Variants in ECT2 observed in about 807,000 individuals in gnomAD.
The protein encoded by ECT2 is epithelial cell transforming 2.
ECT2 carries 61 observed loss-of-function variants against 116.9 expected under a neutral mutation model. That is an observed-to-expected ratio of 0.52 (90% CI 0.42 to 0.65). ECT2 has a LOEUF of 0.65. ECT2 is among the 30% of genes least tolerant of loss of function. The pLI, the probability that ECT2 is intolerant of heterozygous loss-of-function variation, is 0.00. For synonymous variants in ECT2, 358 were observed against 346.4 expected (o/e 1.03, Z -0.37); for missense variants, 937 against 1,078.7 (o/e 0.87, Z 1.84).
intron 5 of ECT2, 127 bp from the exon 6 acceptor site, chr3:172,758,853 C>T (rs1285135759): frequency 6.8e-6 from 5 of 734,270 alleles, no homozygotes; most frequent in Non-Finnish European, 8.8e-6. Context: ...TGAAAAAATG[C>T]CAGTAAATCT....
chr3:172,789,415 G>A (rs901830979), intron 18 of ECT2, among the ~76,000 whole-genome samples: 6 of 152,028 alleles, frequency 3.9e-5, no homozygotes, highest in African/African-American at 7.2e-5. Context: ...TGTAGCCCAG[G>A]CTGGTCAAAA....
At chr3:172,825,877 G>C (rs898221135), downstream of ECT2, among the ~76,000 whole-genome samples, 3 of 152,162 alleles carry the variant, frequency 2.0e-5, no homozygotes, top group African/African-American at 4.8e-5. Context: ...CCTTCTGTTG[G>C]AAGAAAACGC....
At chr3:172,764,151 A>G in intron 11 of ECT2, 127 bp from the exon 12 acceptor site, 3 of 758,442 alleles carry the variant, frequency 4.0e-6, no homozygotes, top group Non-Finnish European at 6.3e-6. Flanking sequence ...TGCCTGGTAG[A>G]GTGTAGGGTT....
At chr3:172,815,019 T>G (rs1729446758) in intron 22 of ECT2, among the ~76,000 whole-genome samples, 1 of 152,162 alleles carries the variant, frequency 6.6e-6, no homozygotes, top group African/African-American at 2.4e-5. Flanking sequence ...ACAGTAGACT[T>G]GTGGTTATAT....
At chr3:172,807,951 G>T (rs904365784) in intron 22 of ECT2, 27 bp downstream of exon 22, 20 of 1,598,734 alleles carry the variant, frequency 1.3e-5, no homozygotes, top group Non-Finnish European at 1.7e-5. Flanking sequence ...GTATTATAAT[G>T]AAAGTTTAAA....
chr3:172,751,937 C>T (rs1189679427), intron 1 of ECT2, among the ~76,000 whole-genome samples: 1 of 152,104 alleles, frequency 6.6e-6, no homozygotes, highest in Non-Finnish European at 1.5e-5. Context: ...CTCTTTTTCT[C>T]TATACATTTT....
chr3:172,794,386 A>G (rs566539414), intron 18 of ECT2, among the ~76,000 whole-genome samples: 13 of 152,200 alleles, frequency 8.5e-5, no homozygotes, highest in Non-Finnish European at 1.8e-4. Flanking sequence ...CTTTTGTACC[A>G]TTGCTGAAAA....
chr3:172,775,877 G>A (rs4128823), intron 14 of ECT2, among the ~76,000 whole-genome samples: 70,322 of 151,698 alleles, frequency 0.46, 19,423 homozygotes, highest in East Asian at 0.69. Context: ...CAAGTGATCC[G>A]CCCGCCTCGA....
At chr3:172,808,604 T>G (rs1199591993) in intron 22 of ECT2, among the ~76,000 whole-genome samples, 1 of 152,180 alleles carries the variant, frequency 6.6e-6, no homozygotes, top group South Asian at 2.1e-4. Context: ...ATAATTTGAT[T>G]TCTTCCTCTC....
chr3:172,755,472 C>T lies in ECT2; in HGVS notation c.211-11C>T. ...CTTTCTTAACCTCATACTTAAGTCT[C>T]TTTTCCACAGACTATTAAAATAATG... On this transcript the variant is annotated splice_polypyrimidine_tract_variant and intron_variant, in intron 3 of 24. Coordinates refer to ENST00000392692, the MANE Select transcript of ECT2 (RefSeq NM_001258315.2). The T allele has an allele frequency of 6.7e-7, 1 of 1,496,398 alleles. No homozygotes were observed. 92.7% of individuals were successfully genotyped at this position (1,496,398 alleles called of 1,614,324 possible).
chr3:172,753,752 G>A (rs1483539651), intron 1 of ECT2, among the ~76,000 whole-genome samples: 4 of 152,176 alleles, frequency 2.6e-5, no homozygotes, highest in African/African-American at 9.7e-5. Context: ...ATTCATTGTT[G>A]CTGTTGCATA....
chr3:172,821,987 C>A (rs1238179114), downstream of ECT2, among the ~76,000 whole-genome samples: 1 of 151,766 alleles, frequency 6.6e-6, no homozygotes, highest in Non-Finnish European at 1.5e-5. Flanking sequence ...TTGCATGTAT[C>A]ATGTGTAAAA....
intron 6 of ECT2, 130 bp from the exon 7 acceptor site, chr3:172,760,026 G>A (rs1291594933): frequency 1.9e-6 from 1 of 536,524 alleles, no homozygotes; most frequent in East Asian, 3.3e-5. Context: ...AAATTTAATA[G>A]CTTTATAAAA....
chr3:172,814,923 T>C (rs1729426468), intron 22 of ECT2, among the ~76,000 whole-genome samples: 1 of 152,166 alleles, frequency 6.6e-6, no homozygotes. Context: ...AACTGTAACT[T>C]TGTGCCTGTT....
intron 22 of ECT2, among the ~76,000 whole-genome samples, chr3:172,809,576 C>G (rs1192659409): frequency 6.7e-6 from 1 of 149,168 alleles, no homozygotes; most frequent in African/African-American, 2.5e-5. Flanking sequence ...TCTACACACA[C>G]ACACACACAC....
At chr3:172,815,146 A>G (rs960753553) in intron 22 of ECT2, among the ~76,000 whole-genome samples, 1 of 152,166 alleles carries the variant, frequency 6.6e-6, no homozygotes, top group African/African-American at 2.4e-5. Context: ...TTGTCACCCT[A>G]CCGGCTCTTG....
At chr3:172,766,124 G>A (rs892033964) in intron 12 of ECT2, among the ~76,000 whole-genome samples, 18 of 152,148 alleles carry the variant, frequency 1.2e-4, no homozygotes, top group African/African-American at 3.6e-4. Flanking sequence ...CTAGTATAAA[G>A]TGGGTATTCA....
At chr3:172,761,268 A>G (rs1020728203) in intron 7 of ECT2, among the ~76,000 whole-genome samples, 21 of 152,098 alleles carry the variant, frequency 1.4e-4, no homozygotes, top group African/African-American at 5.1e-4. Context: ...CTAAGGTTTT[A>G]GTGACTTAGT....
intron 18 of ECT2, among the ~76,000 whole-genome samples, chr3:172,792,334 C>G (rs377287274): frequency 6.6e-6 from 1 of 151,944 alleles, no homozygotes; most frequent in African/African-American, 2.4e-5. Context: ...TGTGAAACAA[C>G]AACAGCAACA....
Sources: allele counts gnomAD v4.1 joint callset (sites outside exome capture counted in the v4.1 genomes callset), GRCh38; gene constraint gnomAD v4.1.1; transcripts MANE v1.5; gene names NCBI Gene and HGNC (gene_info 2026-07-23, HGNC 2026-07-21).